The following LMBRD1 variants were observed in gnomAD, a reference collection of about 807,000 sequenced individuals.
LMBRD1 encodes the protein LMBR1 domain containing 1.
Under a neutral mutation model 74.8 loss-of-function variants are expected in LMBRD1, and 64 were observed. The observed-to-expected ratio is 0.86, with a 90% CI of 0.70 to 1.05. The LOEUF (loss-of-function observed/expected upper bound fraction) is 1.05, where lower values mean the gene tolerates loss of function less well. LMBRD1 is among the 50% of genes least tolerant of loss of function. The pLI, the probability that LMBRD1 is intolerant of heterozygous loss-of-function variation, is 0.00. For synonymous variants in LMBRD1, 204 were observed against 216.3 expected (o/e 0.94, Z 0.50); for missense variants, 652 against 645.9 (o/e 1.01, Z -0.10).
chr6:69,767,386 A>T (rs981425763), intron 3 of LMBRD1, among the ~76,000 whole-genome samples: 7 of 151,648 alleles, frequency 4.6e-5, no homozygotes, highest in African/African-American at 1.5e-4. Context: ...AAATTTTGAT[A>T]TGTTACATTT....
In LMBRD1 at chr6:69,721,131, T is replaced by C. The variant is rs181833138; in HGVS notation, c.637-2050A>G. Reference sequence around the variant, plus strand: ...GCAAGCCTTGCCACTGTGGGCAAAATGCTCTGGAATCCTAGGTAAACTCAA... The same window carrying C: ...GCAAGCCTTGCCACTGTGGGCAAAACGCTCTGGAATCCTAGGTAAACTCAA... On this transcript the variant is annotated intron_variant, in intron 7 of 15. Transcript: ENST00000649934. 2.0e-3 allele frequency among the ~76,000 whole-genome samples: 301 copies of C among 152,274 alleles called. 1 individual carries two copies. Among genetic ancestry groups the C allele is most frequent in the African/African-American group, 7.0e-3 (292 of 41,550 alleles).
At chr6:69,748,291 TC>T (rs1467797206) in intron 5 of LMBRD1, among the ~76,000 whole-genome samples, 1 of 152,150 alleles carries the variant, frequency 6.6e-6, no homozygotes, top group East Asian at 1.9e-4. Flanking sequence ...ACAAGGGACC[TC>T]GATGTTAACA....
intron 3 of LMBRD1, among the ~76,000 whole-genome samples, chr6:69,772,483 T>C (rs1765595891): frequency 6.6e-6 from 1 of 152,158 alleles, no homozygotes; most frequent in African/African-American, 2.4e-5. Flanking sequence ...CAAGTCACAC[T>C]AGTTATAAGT....
intron 1 of LMBRD1, among the ~76,000 whole-genome samples, chr6:69,793,788 C>T (rs146660026): frequency 1.4e-5 from 2 of 143,150 alleles, no homozygotes; most frequent in African/African-American, 2.6e-5. Context: ...GAGCTTGCTG[C>T]AACTGCCTCC....
At chr6:69,744,384 T>A (rs1237102425) in intron 5 of LMBRD1, among the ~76,000 whole-genome samples, 1 of 152,272 alleles carries the variant, frequency 6.6e-6, no homozygotes, top group Non-Finnish European at 1.5e-5. Flanking sequence ...ACCAAAAAAA[T>A]TTGCAACCTC....
rs1045212189 is a variant in LMBRD1 at position 69,701,334 on chromosome 6, G to A, written c.1083+109C>T. 3 of 702,130 alleles carry A rather than the reference G, an allele frequency of 4.3e-6. No homozygotes were observed. The African/African-American group carries it at 5.4e-5, about 13-fold the overall frequency. The allele number at this position is 702,130 out of a possible 1,614,324, so 43.5% of individuals were successfully genotyped here. On this transcript the variant is annotated intron_variant, in intron 11 of 15. Transcript: ENST00000649934. ...ATAAGCATATGTCAAACTATTCATA[G>A]GTTTTTAGCATAATAATTTTATGTG...
intron 14 of LMBRD1, among the ~76,000 whole-genome samples, chr6:69,679,972 G>A (rs1018155863): frequency 6.6e-6 from 1 of 152,100 alleles, no homozygotes; most frequent in Non-Finnish European, 1.5e-5. Context: ...AGACACGCAT[G>A]TCCAACAGTA....
intron 7 of LMBRD1, among the ~76,000 whole-genome samples, chr6:69,719,404 A>G (rs1371413800): frequency 2.0e-5 from 3 of 152,166 alleles, no homozygotes; most frequent in Non-Finnish European, 4.4e-5. Context: ...AAATTAGTAA[A>G]AAAATTTAAA....
intron 1 of LMBRD1, among the ~76,000 whole-genome samples, chr6:69,791,347 ACTCTACT>A (rs1766079261): frequency 6.6e-6 from 1 of 152,044 alleles, no homozygotes; most frequent in Non-Finnish European, 1.5e-5. Flanking sequence ...GAGAACTTCT[ACTCTACT>A]CATAGGGAGT....
chr6:69,718,926 C>T (rs1562097746), intron 8 of LMBRD1, 30 bp downstream of exon 8: 1 of 1,611,100 alleles, frequency 6.2e-7, no homozygotes, highest in Non-Finnish European at 8.5e-7. Flanking sequence ...TAGTTTTATG[C>T]TTCCCAATTA....
chr6:69,787,259 T>C (rs991104191), intron 2 of LMBRD1, among the ~76,000 whole-genome samples: 5 of 152,192 alleles, frequency 3.3e-5, no homozygotes, highest in African/African-American at 4.8e-5. Flanking sequence ...TCAGTACTAC[T>C]TTTGAGAGTC....
At chr6:69,682,408 A>G (rs1270630106) in intron 14 of LMBRD1, among the ~76,000 whole-genome samples, 1 of 151,930 alleles carries the variant, frequency 6.6e-6, no homozygotes, top group African/African-American at 2.4e-5. Context: ...TTTTAAGAAC[A>G]AGTATAATCT....
intron 7 of LMBRD1, among the ~76,000 whole-genome samples, chr6:69,736,591 TTCTC>T (rs890688359): frequency 5.9e-5 from 9 of 152,204 alleles, no homozygotes; most frequent in African/African-American, 1.7e-4. Context: ...CATACTGAAT[TTCTC>T]TCTATTTTTT....
chr6:69,713,535 C>G, intron 9 of LMBRD1, 110 bp downstream of exon 9: 1 of 1,134,450 alleles, frequency 8.8e-7, no homozygotes, highest in Non-Finnish European at 1.3e-6. Flanking sequence ...CCCCCAAATC[C>G]ATTTTAAGTA....
intron 2 of LMBRD1, among the ~76,000 whole-genome samples, chr6:69,781,701 T>C (rs1315970146): frequency 3.3e-5 from 5 of 152,152 alleles, no homozygotes; most frequent in Admixed American, 1.3e-4. Context: ...AAACCCTTAA[T>C]AGGCCAAATA....
rs1202349840 is a variant in LMBRD1 at position 69,700,839 on chromosome 6, T to C, written c.1114A>G (p.Ile372Val). The C allele has an allele frequency of 6.9e-7, 1 of 1,455,616 alleles. No individual in the cohort carries two copies. The highest frequency in any genetic ancestry group is 9.3e-7 in the Non-Finnish European group (1 of 1,071,106). The allele number at this position is 1,455,616 out of a possible 1,614,324, so 90.2% of individuals were successfully genotyped here. The change falls in exon 12 of 16, where the codon ATT becomes GTT. Residue 372 changes from isoleucine to valine, a missense_variant. By Grantham distance (29) the Ile-to-Val change is conservative. Transcript: ENST00000649934. The stretch of plus-strand genomic sequence containing the variant: ...GTAAAAATAAAGTACATAATAATAA[T>C]TGTTATAAGAATATAATCAAGAGGG... ...VFPLDYILITIIIMYFIFTSM... is the reference protein window; with the variant it reads ...VFPLDYILITVIIMYFIFTSM...
chr6:69,750,972 A>G (rs1299955145), intron 4 of LMBRD1, among the ~76,000 whole-genome samples: 1 of 152,192 alleles, frequency 6.6e-6, no homozygotes, highest in East Asian at 1.9e-4. Context: ...GTATTTAAAT[A>G]CAAATATAAA....
intron 3 of LMBRD1, among the ~76,000 whole-genome samples, chr6:69,752,969 T>G (rs1263269719): frequency 1.3e-5 from 2 of 152,198 alleles, no homozygotes; most frequent in African/African-American, 2.4e-5. Context: ...CTTCCAAATT[T>G]TGCAATTTGT....
intron 3 of LMBRD1, among the ~76,000 whole-genome samples, chr6:69,773,165 G>A (rs1248737468): frequency 6.6e-6 from 1 of 152,112 alleles, no homozygotes; most frequent in Admixed American, 6.6e-5. Context: ...GGCCTAATGG[G>A]AGGTATTTGG....
Sources: gnomAD v4.1 joint callset for allele counts (sites outside exome capture counted in the v4.1 genomes callset) on GRCh38, gnomAD v4.1.1 for gene constraint, MANE v1.5 for transcripts, NCBI Gene and HGNC (gene_info 2026-07-23, HGNC 2026-07-21) for gene names.